The following RBFOX3 variants were observed in gnomAD, a reference collection of about 807,000 sequenced individuals.
RBFOX3 encodes RNA binding protein fox-1 homolog 3.
RBFOX3 carries 17 observed loss-of-function variants against 48.7 expected under a neutral mutation model. The ratio of observed to expected loss-of-function variants is 0.35; its 90% confidence interval spans 0.24 to 0.52. The LOEUF (loss-of-function observed/expected upper bound fraction) is 0.52. Among genes scored for constraint, RBFOX3 ranks in the 20% least tolerant of loss-of-function variants. The probability of loss-of-function intolerance (pLI) is 0.94; values close to 1 mark genes in which losing one functional copy is unlikely to be tolerated. For synonymous variants in RBFOX3, 212 were observed against 209.5 expected, an observed-to-expected ratio of 1.01 and a Z score of -0.10; for missense variants, 382 against 497.5, an observed-to-expected ratio of 0.77 and a Z score of 2.21.
At chr17:79,130,025 C>G (rs1047347769) in intron 4 of RBFOX3, among the ~76,000 whole-genome samples, 2 of 152,170 alleles carry the variant, frequency 1.3e-5, no homozygotes, top group Non-Finnish European at 2.9e-5. Flanking sequence ...GGAGGCTGGG[C>G]AGCGCTGCTT....
At position 79,480,162 on chromosome 17, in the gene RBFOX3, T is replaced by G. The variant is rs2078574572; in HGVS notation, c.-175+2292A>C. ...CCTGCCCTCTAAACAGTCACATTGCTGCTTCTCTGTCCCATACAGGCTGGG... is the reference window on the plus strand; with the variant it reads ...CCTGCCCTCTAAACAGTCACATTGCGGCTTCTCTGTCCCATACAGGCTGGG... On this transcript the variant is annotated intron_variant, in intron 2 of 14. Coordinates refer to ENST00000693108, the MANE Select transcript of RBFOX3 (RefSeq NM_001350451.2). The surrounding 1 kb of genome is among the most constrained non-coding windows in gnomAD (Gnocchi z 4.8). Among the ~76,000 whole-genome samples the G allele has an allele frequency of 3.3e-5, 5 of 152,212 alleles. No homozygotes were observed. The highest frequency in any genetic ancestry group is 3.3e-4 in the Admixed American group (5 of 15,282).
intron 2 of RBFOX3, among the ~76,000 whole-genome samples, chr17:79,463,548 T>C (rs1453382004): frequency 5.8e-5 from 3 of 51,610 alleles, no homozygotes; most frequent in African/African-American, 8.3e-5. Context: ...TCCACCACCA[T>C]CACCACTGAC....
chr17:79,172,173 CAA>C (rs977301314), intron 4 of RBFOX3, among the ~76,000 whole-genome samples: 7 of 52,468 alleles, frequency 1.3e-4, no homozygotes, highest in Admixed American at 2.2e-4. Flanking sequence ...GAGTCCGTCT[CAA>C]AAAAAAAAAA....
rs58040659 is a variant in RBFOX3 at position 79,356,348 on chromosome 17, G to GTTTTTTTTTTT, written c.-174-48535_-174-48525dup. 5.5e-3 allele frequency among the ~76,000 whole-genome samples: 262 copies of GTTTTTTTTTTT among 47,314 alleles called. 31 individuals carry two copies. The highest frequency in any genetic ancestry group is 8.8e-3 in the Non-Finnish European group (216 of 24,426). 31.0% of individuals were successfully genotyped at this position (47,314 alleles called of 152,430 possible). A position where few individuals can be genotyped will look rare whatever the true frequency, so the allele number is the denominator to read the frequency against. On this transcript the variant is annotated intron_variant, in intron 2 of 14. Transcript: ENST00000693108. ...ACTTTTTCACTTTTAAAACAGGGAAGTTTTTTTTTTTTTTTTTTTTTTTTT... is the reference window on the plus strand; with the variant it reads ...ACTTTTTCACTTTTAAAACAGGGAAGTTTTTTTTTTTTTTTTTTTTTTTTTTTTTTTTTTTT...
chr17:79,138,799 A>C, intron 4 of RBFOX3, among the ~76,000 whole-genome samples: 5 of 34,258 alleles, frequency 1.5e-4, no homozygotes, highest in African/African-American at 4.1e-4. Context: ...ACGCCCCCTT[A>C]CCCACACACA....
At chr17:79,258,147 G>T (rs2065179613) in intron 3 of RBFOX3, among the ~76,000 whole-genome samples, 1 of 152,156 alleles carries the variant, frequency 6.6e-6, no homozygotes, top group Admixed American at 6.5e-5. Context: ...AAATGCAGAA[G>T]AACCTATTTC....
At chr17:79,233,046 A>G (rs1346892212) in intron 4 of RBFOX3, among the ~76,000 whole-genome samples, 2 of 152,236 alleles carry the variant, frequency 1.3e-5, no homozygotes, top group East Asian at 1.9e-4. Context: ...AGACTTGCAC[A>G]CACATATTCA....
At chr17:79,189,665 C>T (rs751876521) in intron 4 of RBFOX3, among the ~76,000 whole-genome samples, 14 of 152,230 alleles carry the variant, frequency 9.2e-5, no homozygotes, top group Non-Finnish European at 1.3e-4. Flanking sequence ...CCTCCCTCAG[C>T]GTTCCTAGCT....
chr17:79,624,038 G>A, the RBFOX3 span, among the ~76,000 whole-genome samples: 2 of 152,158 alleles, frequency 1.3e-5, no homozygotes, highest in Non-Finnish European at 1.5e-5. Flanking sequence ...CACTCCAGAA[G>A]GGAATGCAGC....
chr17:79,343,068 C>G (rs1185747270), intron 2 of RBFOX3, among the ~76,000 whole-genome samples: 16 of 151,998 alleles, frequency 1.1e-4, no homozygotes, highest in Admixed American at 1.0e-3. Flanking sequence ...CCCCAGAAAT[C>G]AAAAGGATTA....
At chr17:79,120,299 C>CGTAT (rs1398206416) in intron 4 of RBFOX3, among the ~76,000 whole-genome samples, 29 of 152,006 alleles carry the variant, frequency 1.9e-4, no homozygotes, top group African/African-American at 6.8e-4. Context: ...GATGTACGTA[C>CGTAT]GTATGTACGT....
rs371394276 is a variant in RBFOX3, at chr17:79,477,093, C to T, written c.-175+5361G>A. On this transcript the variant is annotated intron_variant, in intron 2 of 14. Coordinates refer to ENST00000693108, the MANE Select transcript of RBFOX3 (RefSeq NM_001350451.2). This position sits in a 1 kb window ranked among gnomAD's most constrained non-coding sequence, Gnocchi z 4.8. ...ACTAAAAATACAAAAATTAGCCAGG[C>T]GTGGTGGTGGGCGCCTGTAATCCCA... 1.5e-4 allele frequency among the ~76,000 whole-genome samples: 23 copies of T among 150,092 alleles called. No individual in the cohort carries two copies. Among genetic ancestry groups the T allele is most frequent in the Admixed American group, 9.3e-4 (14 of 15,092 alleles).
intron 4 of RBFOX3, among the ~76,000 whole-genome samples, chr17:79,139,925 C>T (rs997780797): frequency 5.3e-5 from 8 of 152,276 alleles, no homozygotes; most frequent in East Asian, 1.9e-4. Flanking sequence ...GGAAAACTGA[C>T]GCCGAGAGAA....
intron 1 of RBFOX3, among the ~76,000 whole-genome samples, chr17:79,513,114 C>T (rs2084710424): frequency 1.3e-5 from 2 of 152,100 alleles, no homozygotes; most frequent in Admixed American, 1.3e-4. Context: ...AACCAGGGGA[C>T]ACACACCCAG....
rs1283364831 is a variant in RBFOX3, at chr17:79,220,077, G to T, written c.-34+15689C>A. 1.4e-5 allele frequency among the ~76,000 whole-genome samples: 2 copies of T among 146,312 alleles called. No homozygotes were observed. The highest frequency in any genetic ancestry group is 2.2e-4 in the South Asian group (1 of 4,474). ...GGGAAGGGTGGCATGGCCTGGGAAG[G>T]CACGGGGTGGGGGGGTGGGGGGAGC... is the stretch of plus-strand genomic sequence containing the variant. On this transcript the variant is annotated intron_variant, in intron 4 of 14. Transcript: ENST00000693108. This position sits in a 1 kb window ranked among gnomAD's most constrained non-coding sequence, Gnocchi z 5.9.
Position 79,090,426 on chromosome 17 carries a change from A to G in RBFOX3, c.*457T>C, listed in dbSNP as rs1224347740. The stretch of plus-strand genomic sequence containing the variant: ...CGCCGGCCCCCTGGCACAGCTGGCC[A>G]CAAAGATCAAGTCTTGCTAGCAGCG... On this transcript the variant is annotated 3_prime_UTR_variant, in exon 15 of 15. Coordinates refer to ENST00000693108, the MANE Select transcript of RBFOX3 (RefSeq NM_001350451.2). 6.3e-6 allele frequency: 1 copy of G among 159,542 alleles called. No individual in the cohort carries two copies. The highest frequency in any genetic ancestry group is 1.4e-5 in the Non-Finnish European group (1 of 72,960). The allele number at this position is 159,542 out of a possible 1,614,324, so 9.9% of individuals were successfully genotyped here. A position where few individuals can be genotyped will look rare whatever the true frequency, so the allele number is the denominator to read the frequency against.
intron 2 of RBFOX3, among the ~76,000 whole-genome samples, chr17:79,442,654 G>A (rs1465439962): frequency 6.6e-6 from 1 of 152,118 alleles, no homozygotes; most frequent in Non-Finnish European, 1.5e-5. Context: ...GGGGCTGCTG[G>A]TGCTCCAACC....
chr17:79,461,178 C>T (rs975035434), intron 2 of RBFOX3, among the ~76,000 whole-genome samples: 1 of 152,224 alleles, frequency 6.6e-6, no homozygotes, highest in Non-Finnish European at 1.5e-5. Flanking sequence ...ATCTGGGATC[C>T]TGAGGACCCA....
chr17:79,439,092 T>C (rs2070240792), intron 2 of RBFOX3, among the ~76,000 whole-genome samples: 1 of 152,226 alleles, frequency 6.6e-6, no homozygotes, highest in Non-Finnish European at 1.5e-5. Context: ...CCTGATTAAC[T>C]GTCCCTCTGG....
Sources: allele counts gnomAD v4.1 joint callset (sites outside exome capture counted in the v4.1 genomes callset), GRCh38; gene constraint gnomAD v4.1.1; non-coding constraint Gnocchi (gnomAD v3.1); transcripts MANE v1.5; gene names NCBI Gene and HGNC (gene_info 2026-07-23, HGNC 2026-07-21).